Variants in TCF4 observed in about 807,000 individuals in gnomAD.
TCF4 encodes the protein transcription factor 4.
In TCF4, 3 loss-of-function variants were observed where a neutral mutation model predicts 82.1. The observed-to-expected ratio is 0.04, with a 90% CI of 0.02 to 0.09. The LOEUF (loss-of-function observed/expected upper bound fraction) is 0.09. Ranked by LOEUF, TCF4 falls within the 10% of genes least tolerant of loss-of-function variation. The probability of loss-of-function intolerance (pLI) is 1.00; values close to 1 mark genes in which losing one functional copy is unlikely to be tolerated. For synonymous variants in TCF4, 276 were observed against 309.6 expected, an observed-to-expected ratio of 0.89 and a Z score of 1.14; for missense variants, 518 against 852.7, an observed-to-expected ratio of 0.61 and a Z score of 4.89.
chr18:55,493,447 C>CT (rs796540136), intron 3 of TCF4, among the ~76,000 whole-genome samples: 32 of 151,920 alleles, frequency 2.1e-4, no homozygotes, highest in African/African-American at 6.0e-4. Flanking sequence ...TTGAAACAAG[C>CT]TTTTTTTTAA....
rs186253079 is a variant in TCF4, at chr18:55,230,820, A to G, written c.1649+1689T>C. On this transcript the variant is annotated intron_variant, in intron 17 of 19. Coordinates refer to ENST00000354452, the MANE Select transcript of TCF4 (RefSeq NM_001083962.2). ...GACCAATTACACTTGAGAAGCTCCAATCAATCAAAAGTGGGAGTGGTATTC... is the reference window on the plus strand; with the variant it reads ...GACCAATTACACTTGAGAAGCTCCAGTCAATCAAAAGTGGGAGTGGTATTC... The G allele has an allele frequency of 6.6e-5, 10 of 152,358 alleles. No homozygotes were observed. The East Asian group carries it at 1.3e-3, about 21-fold the overall frequency. The allele number at this position is 152,358 out of a possible 1,614,324, so 9.4% of individuals were successfully genotyped here.
At chr18:55,489,126 T>C (rs1328873179) in intron 3 of TCF4, among the ~76,000 whole-genome samples, 1 of 152,174 alleles carries the variant, frequency 6.6e-6, no homozygotes, top group Non-Finnish European at 1.5e-5. Context: ...TATCAGGATG[T>C]GGGGGCACCC....
At chr18:55,503,523 G>A (rs1049823259) in intron 3 of TCF4, among the ~76,000 whole-genome samples, 7 of 152,220 alleles carry the variant, frequency 4.6e-5, no homozygotes, top group African/African-American at 1.7e-4. Context: ...GGTAAACAGA[G>A]ATTCTACTGA....
intron 2 of TCF4, among the ~76,000 whole-genome samples, chr18:55,612,126 T>C (rs557889164): frequency 8.5e-5 from 13 of 152,326 alleles, no homozygotes; most frequent in African/African-American, 3.1e-4. Flanking sequence ...CTGTATCTTA[T>C]AATACCACTT....
chr18:55,362,806 T>C (rs1192348097), intron 6 of TCF4, among the ~76,000 whole-genome samples: 5 of 152,258 alleles, frequency 3.3e-5, no homozygotes, highest in Admixed American at 3.3e-4. Context: ...TGTTTTCTTA[T>C]ATTTCTCATT....
In TCF4 at chr18:55,365,156, AATATATATATATAT is replaced by A. The variant is rs139574594; in HGVS notation, c.370-14167_370-14154del. Among the ~76,000 whole-genome samples the A allele has an allele frequency of 1.7e-4, 14 of 83,534 alleles. 1 individual carries two copies. The highest frequency in any genetic ancestry group is 2.2e-4 in the Non-Finnish European group (10 of 44,988). The allele number at this position is 83,534 out of a possible 152,430, so 54.8% of individuals were successfully genotyped here. A position where few individuals can be genotyped will look rare whatever the true frequency, so the allele number is the denominator to read the frequency against. On this transcript the variant is annotated intron_variant, in intron 6 of 19. Coordinates refer to ENST00000354452, the MANE Select transcript of TCF4 (RefSeq NM_001083962.2). Reference sequence around the variant, plus strand: ...CAACAGTGTGAGACTCCATCTCCAAAATATATATATATATATATATATATATATATATATATGTG... The same window carrying A: ...CAACAGTGTGAGACTCCATCTCCAAAATATATATATATATATATATATGTG...
At chr18:55,362,385 G>GGAAGGAAA (rs1398963053) in intron 6 of TCF4, among the ~76,000 whole-genome samples, 1 of 82,786 alleles carries the variant, frequency 1.2e-5, no homozygotes, top group Non-Finnish European at 2.3e-5. Flanking sequence ...AAGGAAGGAA[G>GGAAGGAAA]GAAGGAAAGA....
intron 3 of TCF4, among the ~76,000 whole-genome samples, chr18:55,469,152 A>G (rs1023263523): frequency 9.2e-5 from 14 of 152,208 alleles, no homozygotes; most frequent in African/African-American, 3.4e-4. Context: ...TTCATTCTGC[A>G]TGAGTCCCCT....
At chr18:55,397,572 G>T (rs1030476068) in intron 6 of TCF4, among the ~76,000 whole-genome samples, 1 of 152,134 alleles carries the variant, frequency 6.6e-6, no homozygotes, top group Non-Finnish European at 1.5e-5. Context: ...AACAGCTCTA[G>T]TTTAAAAGAA....
intron 8 of TCF4, among the ~76,000 whole-genome samples, chr18:55,345,989 CTT>C (rs1299176908): frequency 6.6e-6 from 1 of 152,068 alleles, no homozygotes; most frequent in Non-Finnish European, 1.5e-5. Context: ...ACCAATATCT[CTT>C]TTAAATTGTT....
chr18:55,357,356 A>T (rs2083818054), intron 6 of TCF4, among the ~76,000 whole-genome samples: 1 of 152,180 alleles, frequency 6.6e-6, no homozygotes, highest in Non-Finnish European at 1.5e-5. Flanking sequence ...AATTTAAGAA[A>T]ACTATCTTCT....
intron 2 of TCF4, among the ~76,000 whole-genome samples, chr18:55,629,310 G>C (rs1280198426): frequency 6.6e-6 from 1 of 152,178 alleles, no homozygotes; most frequent in Non-Finnish European, 1.5e-5. Flanking sequence ...CTCTGGCAAA[G>C]CATTGGCTAT....
At chr18:55,233,939 T>C (rs900564412) in intron 16 of TCF4, among the ~76,000 whole-genome samples, 12 of 151,744 alleles carry the variant, frequency 7.9e-5, no homozygotes, top group African/African-American at 2.9e-4. Context: ...AATGCCCACA[T>C]GTATTCCTGT....
At chr18:55,232,845 T>C (rs2048289703) in intron 16 of TCF4, among the ~76,000 whole-genome samples, 174 bp from the exon 17 acceptor site, 1 of 152,248 alleles carries the variant, frequency 6.6e-6, no homozygotes. Context: ...AAACAAGTTT[T>C]CCCTGCATTG....
intron 3 of TCF4, among the ~76,000 whole-genome samples, chr18:55,559,352 A>G (rs557771548): frequency 6.6e-6 from 1 of 152,272 alleles, no homozygotes; most frequent in South Asian, 2.1e-4. Context: ...AAAGTGGAAT[A>G]TGTAGTACGT....
At chr18:55,245,196 A>G (rs1358042945) in intron 15 of TCF4, among the ~76,000 whole-genome samples, 2 of 152,174 alleles carry the variant, frequency 1.3e-5, no homozygotes, top group African/African-American at 4.8e-5. Flanking sequence ...TCTTCTTACT[A>G]TGAACCCATT....
chr18:55,248,415 C>G (rs1164846576), intron 15 of TCF4, among the ~76,000 whole-genome samples: 3 of 152,170 alleles, frequency 2.0e-5, no homozygotes, highest in East Asian at 3.9e-4. Context: ...TTGATCATAT[C>G]TTTGTTGAAG....
intron 6 of TCF4, among the ~76,000 whole-genome samples, chr18:55,362,374 G>T (rs1468692316): frequency 3.0e-4 from 29 of 95,518 alleles, no homozygotes; most frequent in Middle Eastern, 5.2e-3. Flanking sequence ...AGGAAGGAAG[G>T]AAGGAAGGAA....
chr18:55,257,457 A>G, intron 13 of TCF4, 66 bp from the exon 14 acceptor site: 1 of 1,512,464 alleles, frequency 6.6e-7, no homozygotes, highest in Non-Finnish European at 9.2e-7. Context: ...CCAATATTTT[A>G]AACAGTCCTT....
Sources: allele counts gnomAD v4.1 joint callset (sites outside exome capture counted in the v4.1 genomes callset), GRCh38; gene constraint gnomAD v4.1.1; transcripts MANE v1.5; gene names NCBI Gene and HGNC (gene_info 2026-07-23, HGNC 2026-07-21).